Variants in ZNF534 observed in about 807,000 individuals in gnomAD.
ZNF534 encodes KRAB domain only 3.
In ZNF534, 19 loss-of-function variants were observed where a neutral mutation model predicts 13.6. The ratio of observed to expected loss-of-function variants is 1.40; its 90% CI spans 0.97 to 2.05. The LOEUF (loss-of-function observed/expected upper bound fraction) is 2.05, where lower values mean the gene tolerates loss of function less well. Ranked by LOEUF, ZNF534 falls within the 30% of genes most tolerant of loss-of-function variation. The pLI, the probability that ZNF534 is intolerant of heterozygous loss-of-function variation, is 0.00. For synonymous variants in ZNF534, 244 were observed against 273.8 expected (o/e 0.89, Z 1.07); for missense variants, 782 against 796.3 (o/e 0.98, Z 0.22).
exon 5 of ZNF534, chr19:52,451,491 G>A: frequency 1.8e-6 from 1 of 569,914 alleles, no homozygotes; most frequent in Middle Eastern, 3.6e-4. Flanking sequence ...GGCTGCCGCG[G>A]AGCTAAGACA....
intron 4 of ZNF534, among the ~76,000 whole-genome samples, chr19:52,447,745 T>G (rs1220145783): frequency 2.0e-5 from 3 of 152,228 alleles, no homozygotes; most frequent in Non-Finnish European, 2.9e-5. Context: ...GAATTTTAAA[T>G]GATTAAACAG....
chr19:52,441,278 G>C lies in ZNF534; in HGVS notation c.*1832G>C, dbSNP rs2059171273. On this transcript the variant is annotated 3_prime_UTR_variant, in exon 5 of 5. Transcript: ENST00000433050. ...ACCTATAATCCCAGCCCTTTGGGAG[G>C]CCAAGGTGAGAGGATTGCTTGAACC... 6.6e-6 allele frequency among the ~76,000 whole-genome samples: 1 copy of C among 152,174 alleles called. No individual in the cohort carries two copies. The highest frequency in any genetic ancestry group is 2.1e-4 in the South Asian group (1 of 4,836).
downstream of ZNF534, among the ~76,000 whole-genome samples, chr19:52,446,615 T>C (rs1568449314): frequency 3.3e-5 from 5 of 152,130 alleles, no homozygotes; most frequent in Admixed American, 2.6e-4. Context: ...CCCAGCACTT[T>C]GGGAGGCTGA....
chr19:52,439,258 C>G lies in ZNF534; in HGVS notation c.1798C>G (p.His600Asp). 6.4e-7 allele frequency: 1 copy of G among 1,569,176 alleles called. No individual in the cohort carries two copies. The highest frequency in any genetic ancestry group is 8.6e-7 in the Non-Finnish European group (1 of 1,156,660). The stretch of plus-strand genomic sequence containing the variant: ...ACACCTTGCGCGACATAGGAAAATT[C>G]ATACTGGAGAGAAGCTTTACAAATG... Reference protein sequence around the residue: ...NSHLARHRKIHTGEKLYKCNE... With the variant: ...NSHLARHRKIDTGEKLYKCNE... The change falls in exon 5 of 5, where the codon CAT becomes GAT. Residue 600 changes from histidine to aspartate, a missense_variant. Coordinates refer to ENST00000433050, the MANE Select transcript of ZNF534 (RefSeq NM_001143938.3).
chr19:52,446,839 CAG>C (rs908253806), downstream of ZNF534, among the ~76,000 whole-genome samples: 8 of 152,176 alleles, frequency 5.3e-5, no homozygotes, highest in African/African-American at 1.9e-4. Flanking sequence ...GACTGGGTGA[CAG>C]AGCAAGATCC....
intron 4 of ZNF534, among the ~76,000 whole-genome samples, chr19:52,447,893 T>C (rs1173973719): frequency 6.6e-6 from 1 of 152,084 alleles, no homozygotes; most frequent in Non-Finnish European, 1.5e-5. Flanking sequence ...TTTTTTTTTT[T>C]TCTAATTCCT....
In ZNF534 at chr19:52,440,219, CAT is replaced by C. The variant is rs2095560144; in HGVS notation, c.*774_*775del. Among the ~76,000 whole-genome samples the C allele has an allele frequency of 6.6e-6, 1 of 152,170 alleles. No individual in the cohort carries two copies. The highest frequency in any genetic ancestry group is 6.5e-5 in the Admixed American group (1 of 15,274). On this transcript the variant is annotated 3_prime_UTR_variant, in exon 5 of 5. Coordinates refer to ENST00000433050, the MANE Select transcript of ZNF534 (RefSeq NM_001143938.3). ...AAGAATACAAGAAGGTCTTCAGGCA[CAT>C]GTTTTCCCTAACCTCTCATCAAGAG...
chr19:52,443,535 A>G (rs1203447834), downstream of ZNF534, among the ~76,000 whole-genome samples: 1 of 152,150 alleles, frequency 6.6e-6, no homozygotes, highest in Non-Finnish European at 1.5e-5. Context: ...GCATATCACC[A>G]GGTCAGGAGT....
intron 2 of ZNF534, among the ~76,000 whole-genome samples, chr19:52,433,535 T>A (rs1400146941): frequency 6.6e-6 from 1 of 151,778 alleles, no homozygotes; most frequent in South Asian, 2.1e-4. Context: ...CCTGGCTAAT[T>A]TTTTGTATTT....
chr19:52,429,446 G>T (rs1322258920), intron 1 of ZNF534, among the ~76,000 whole-genome samples: 1 of 151,954 alleles, frequency 6.6e-6, no homozygotes, highest in African/African-American at 2.4e-5. Flanking sequence ...CGGGCGCGGT[G>T]CCTCACGCCT....
Position 52,439,424 on chromosome 19 carries a change from T to C in ZNF534, c.1964T>C (p.Ile655Thr), listed in dbSNP as rs1330178132. The C allele has an allele frequency of 6.5e-7, 1 of 1,530,782 alleles. No individual in the cohort carries two copies. Among genetic ancestry groups the C allele is most frequent in the Non-Finnish European group, 8.8e-7 (1 of 1,136,236 alleles). The allele number at this position is 1,530,782 out of a possible 1,614,324, so 94.8% of individuals were successfully genotyped here. The part of the protein sequence containing the change: ...KNSILVQHCS[I>T]HTREKP ...TCCATCCTAGTACAACATTGCAGTATTCATACCAGAGAGAAGCCTTAAAAA... is the reference window on the plus strand; with the variant it reads ...TCCATCCTAGTACAACATTGCAGTACTCATACCAGAGAGAAGCCTTAAAAA... The change falls in exon 5 of 5, where the codon ATT (isoleucine) becomes ACT (threonine). Residue 655 changes from isoleucine (I) to threonine (T), a missense_variant. Ile to Thr is a moderately conservative substitution (Grantham distance 89, BLOSUM62 -1). This residue lies in a region of ZNF534 where 60 missense variants were observed against 59.9 expected (regional missense o/e 1.00). Transcript: ENST00000433050.
rs766359126 is a variant in ZNF534 at position 52,433,880 on chromosome 19, CA to C, written c.16-73del. ...CTCGCTTCAGTGGAGTGAGTCCTTA[CA>C]ACTGTCTTCTCATTCTGTTTGAAGA... On this transcript the variant is annotated intron_variant, in intron 2 of 4. Coordinates refer to ENST00000433050, the MANE Select transcript of ZNF534 (RefSeq NM_001143938.3). 12 of 1,576,450 alleles carry C rather than the reference CA, an allele frequency of 7.6e-6. No individual in the cohort carries two copies. In the South Asian group the frequency reaches 1.2e-4, roughly 16 times the overall value.
chr19:52,431,614 T>C, intron 2 of ZNF534, 125 bp downstream of exon 2: 1 of 1,255,074 alleles, frequency 8.0e-7, no homozygotes, highest in Non-Finnish European at 1.1e-6. Context: ...TACCCATGGC[T>C]TCTTCCAGTC....
downstream of ZNF534, among the ~76,000 whole-genome samples, chr19:52,444,650 G>C (rs561454154): frequency 7.9e-4 from 120 of 152,158 alleles, no homozygotes; most frequent in Non-Finnish European, 1.5e-3. Flanking sequence ...TCTGAGCTCA[G>C]ACTCTCCTTG....
chr19:52,439,419 C>T lies in ZNF534; in HGVS notation c.1959C>T (p.Cys653=). 4.5e-6 allele frequency: 7 copies of T among 1,540,560 alleles called. No homozygotes were observed. The highest frequency in any genetic ancestry group is 6.1e-6 in the Non-Finnish European group (7 of 1,141,032). ...AAAATTCCATCCTAGTACAACATTG[C>T]AGTATTCATACCAGAGAGAAGCCTT... ...FSKNSILVQH[C]SIHTREKP The change falls in exon 5 of 5, where the codon TGC becomes TGT. Residue 653 remains cysteine, a synonymous_variant. Coordinates refer to ENST00000433050, the MANE Select transcript of ZNF534 (RefSeq NM_001143938.3).
In ZNF534 at chr19:52,435,192, T is replaced by G. The variant is rs1326633916; in HGVS notation, c.254T>G (p.Ile85Ser). Residue 85 changes from isoleucine to serine, a missense_variant, in exon 4 of 5, where the codon ATC becomes AGC. Coordinates refer to ENST00000433050, the MANE Select transcript of ZNF534 (RefSeq NM_001143938.3). ...AACAATCCAGATGGCAGGGAGTGCA[T>G]CAAAGGTGTGAACACAGGTGAGAGC... ...IINNPDGRECIKGVNTEKSSK... is the reference protein window; with the variant it reads ...IINNPDGRECSKGVNTEKSSK... The G allele has an allele frequency of 1.2e-6, 2 of 1,611,992 alleles. No homozygotes were observed. The highest frequency in any genetic ancestry group is 3.3e-5 in the Admixed American group (2 of 59,780).
chr19:52,434,531 C>T (rs1002947303), intron 3 of ZNF534, among the ~76,000 whole-genome samples: 7 of 147,798 alleles, frequency 4.7e-5, no homozygotes, highest in East Asian at 4.0e-4. Flanking sequence ...TGTCCCCTTA[C>T]ACCAGCCTGA....
chr19:52,441,519 T>C lies in ZNF534; in HGVS notation c.*2073T>C, dbSNP rs140949369. On this transcript the variant is annotated 3_prime_UTR_variant, in exon 5 of 5. Transcript: ENST00000433050. ...GACAGAGTGAGACCCTATCTACAAA[T>C]ATAAACAAACAATGTGAAACGTCTT... Among the ~76,000 whole-genome samples the C allele has an allele frequency of 6.6e-6, 1 of 151,966 alleles. No homozygotes were observed. The highest frequency in any genetic ancestry group is 1.5e-5 in the Non-Finnish European group (1 of 68,000).
chr19:52,439,420 A>C lies in ZNF534; in HGVS notation c.1960A>C (p.Ser654Arg), dbSNP rs148131699. ...SKNSILVQHC[S>R]IHTREKP ...AAATTCCATCCTAGTACAACATTGC[A>C]GTATTCATACCAGAGAGAAGCCTTA... Residue 654 changes from serine to arginine, a missense_variant, in exon 5 of 5, where the codon AGT becomes CGT. By Grantham distance (110) the Ser-to-Arg change is moderately radical (BLOSUM62 -1). Around this residue, in one of 5 missense-constraint regions of ZNF534, gnomAD observed 60 missense variants for 59.9 expected, o/e 1.00. Coordinates refer to ENST00000433050, the MANE Select transcript of ZNF534 (RefSeq NM_001143938.3). The C allele has an allele frequency of 3.4e-4, 531 of 1,540,694 alleles. 2 individuals carry two copies. The African/African-American group carries it at 6.5e-3, about 19-fold the overall frequency.
Sources: allele counts gnomAD v4.1 joint callset (sites outside exome capture counted in the v4.1 genomes callset), GRCh38; gene constraint gnomAD v4.1.1; regional missense constraint gnomAD v4.1.1; transcripts MANE v1.5; gene names NCBI Gene and HGNC (gene_info 2026-07-23, HGNC 2026-07-21).